The following ZFPM2 variants were observed in gnomAD, a reference collection of about 807,000 sequenced individuals.
ZFPM2 encodes zinc finger protein ZFPM2.
Under a neutral mutation model 98.6 loss-of-function variants are expected in ZFPM2, and 20 were observed. The ratio of observed to expected loss-of-function variants is 0.20; its 90% confidence interval spans 0.14 to 0.29. The LOEUF is 0.29. Among genes scored for constraint, ZFPM2 ranks in the 10% least tolerant of loss-of-function variants. The probability of loss-of-function intolerance (pLI) is 1.00; values close to 1 mark genes in which losing one functional copy is unlikely to be tolerated. For missense variants in ZFPM2, 1,310 were observed against 1,388.6 expected (o/e 0.94, Z 0.90); for synonymous variants, 518 against 502.7 (o/e 1.03, Z -0.41).
intron 3 of ZFPM2, among the ~76,000 whole-genome samples, chr8:105,523,278 T>C (rs1421161350): frequency 6.6e-6 from 1 of 152,212 alleles, no homozygotes; most frequent in African/African-American, 2.4e-5. Context: ...ACATCCATAT[T>C]GTGTGAGACT....
intron 1 of ZFPM2, among the ~76,000 whole-genome samples, chr8:105,399,510 G>A (rs1256548670): frequency 6.6e-6 from 1 of 152,108 alleles, no homozygotes; most frequent in African/African-American, 2.4e-5. Context: ...GCATTTAATC[G>A]TTTAGTTGCT....
At chr8:105,405,352 C>A (rs1286302191) in intron 1 of ZFPM2, among the ~76,000 whole-genome samples, 1 of 151,726 alleles carries the variant, frequency 6.6e-6, no homozygotes, top group African/African-American at 2.4e-5. Context: ...CATATGTATA[C>A]ATGTGCCATG....
intron 3 of ZFPM2, among the ~76,000 whole-genome samples, chr8:105,549,803 T>G (rs943359761): frequency 4.6e-5 from 7 of 151,716 alleles, no homozygotes; most frequent in African/African-American, 1.5e-4. Context: ...TTTGTAGAGA[T>G]ATGGTCTCAC....
chr8:105,359,342 C>A (rs1812810242), intron 1 of ZFPM2, among the ~76,000 whole-genome samples: 1 of 148,788 alleles, frequency 6.7e-6, no homozygotes, highest in Non-Finnish European at 1.5e-5. Flanking sequence ...TCGGGTATTT[C>A]TTTCTTTTCT....
chr8:105,461,581 A>G (rs1274155685), intron 3 of ZFPM2, among the ~76,000 whole-genome samples: 1 of 152,156 alleles, frequency 6.6e-6, no homozygotes, highest in Non-Finnish European at 1.5e-5. Context: ...TGAAATGATA[A>G]AACAACTATC....
intron 3 of ZFPM2, among the ~76,000 whole-genome samples, chr8:105,527,899 C>T (rs780578425): frequency 4.6e-5 from 7 of 152,126 alleles, no homozygotes; most frequent in Non-Finnish European, 1.0e-4. Context: ...TCTTAAAAAT[C>T]AGCTAATCCA....
intron 5 of ZFPM2, among the ~76,000 whole-genome samples, chr8:105,636,931 C>T (rs1485684484): frequency 6.6e-6 from 1 of 152,156 alleles, no homozygotes; most frequent in African/African-American, 2.4e-5. Context: ...AATCAACATA[C>T]TACCCCATTT....
chr8:105,797,818 C>T (rs970963270), intron 6 of ZFPM2, among the ~76,000 whole-genome samples: 1 of 152,366 alleles, frequency 6.6e-6, no homozygotes, highest in South Asian at 2.1e-4. Context: ...CCACTCCTGC[C>T]ATCAGCCTCT....
At chr8:105,437,069 T>C (rs1212646662) in intron 2 of ZFPM2, among the ~76,000 whole-genome samples, 1 of 152,194 alleles carries the variant, frequency 6.6e-6, no homozygotes, top group Non-Finnish European at 1.5e-5. Context: ...TTGCATTCTT[T>C]CTTTAAGAAA....
At chr8:105,347,904 C>T (rs918434356) in intron 1 of ZFPM2, among the ~76,000 whole-genome samples, 4 of 152,134 alleles carry the variant, frequency 2.6e-5, no homozygotes, top group Non-Finnish European at 5.9e-5. Context: ...CCGCTCCCCA[C>T]CCCCGACATA....
chr8:105,802,870 A>G lies in ZFPM2; in HGVS notation c.2788A>G (p.Asn930Asp), dbSNP rs762447920. The G allele has an allele frequency of 1.2e-6, 2 of 1,613,768 alleles. No homozygotes were observed. Among genetic ancestry groups the G allele is most frequent in the Non-Finnish European group, 1.7e-6 (2 of 1,179,828 alleles). Residue 930 changes from asparagine (N) to aspartate (D), a missense_variant, in exon 8 of 8, where the codon AAC becomes GAC. Transcript: ENST00000407775. The stretch of plus-strand genomic sequence containing the variant: ...TTTGAAGCAGCCTTCCCCCAATGGA[A>G]ACTTATTTTCATCCCACCTAGCAAC... ...GNLKQPSPNG[N>D]LFSSHLATLQ...
intron 4 of ZFPM2, among the ~76,000 whole-genome samples, chr8:105,590,098 A>G (rs953497050): frequency 6.6e-6 from 1 of 152,144 alleles, no homozygotes; most frequent in Admixed American, 6.5e-5. Context: ...TAGCCTCTGA[A>G]TGGCTCTCTC....
chr8:105,535,635 C>G (rs879652955), intron 3 of ZFPM2, among the ~76,000 whole-genome samples: 1 of 152,140 alleles, frequency 6.6e-6, no homozygotes, highest in Non-Finnish European at 1.5e-5. Context: ...TAAAGTCAGT[C>G]TCAGGCCTAG....
intron 5 of ZFPM2, among the ~76,000 whole-genome samples, chr8:105,686,191 G>C (rs989108604): frequency 9.2e-5 from 14 of 152,190 alleles, no homozygotes; most frequent in African/African-American, 3.1e-4. Context: ...ACTGTAATTA[G>C]AGATTAGATG....
rs142847568 is a variant in ZFPM2, at chr8:105,622,599, C to T, written c.421-11647C>T. Among the ~76,000 whole-genome samples the T allele has an allele frequency of 3.5e-4, 53 of 152,152 alleles. No individual in the cohort carries two copies. The East Asian group carries it at 8.3e-3, about 24-fold the overall frequency. On this transcript the variant is annotated intron_variant, in intron 4 of 7. Transcript: ENST00000407775. ...ACTTCTTAGCATGCTCCATTAGTTG[C>T]CCCAGGCTGACAGAGATGCTGAACA...
chr8:105,765,652 T>C (rs1812839063), intron 5 of ZFPM2, among the ~76,000 whole-genome samples: 2 of 151,846 alleles, frequency 1.3e-5, no homozygotes, highest in African/African-American at 4.8e-5. Context: ...TTGAGAGTTA[T>C]CAGGCAGCTC....
chr8:105,503,681 A>G (rs1813641022), intron 3 of ZFPM2, among the ~76,000 whole-genome samples: 2 of 152,188 alleles, frequency 1.3e-5, no homozygotes, highest in Admixed American at 6.5e-5. Flanking sequence ...GTATTTGTAG[A>G]GAGAAAATAA....
At position 105,788,891 on chromosome 8, in the gene ZFPM2, A is replaced by G; in HGVS notation, c.706A>G (p.Met236Val). The change falls in exon 6 of 8, where the codon ATG (methionine) becomes GTG (valine). Residue 236 changes from methionine (M) to valine (V), a missense_variant. Physicochemically the swap from Met to Val is conservative, Grantham distance 21. Transcript: ENST00000407775. ...SIQLLPQQAA[M>V]ASILPTAIVN... is the part of the protein sequence containing the mutation. ...TCAGCTGCTTCCTCAGCAAGCTGCC[A>G]TGGCTTCTATTTTGCCCACAGCTAT... is the stretch of plus-strand genomic sequence containing the variant. 1 of 1,613,796 alleles carries G rather than the reference A, an allele frequency of 6.2e-7. No individual in the cohort carries two copies. The highest frequency in any genetic ancestry group is 8.5e-7 in the Non-Finnish European group (1 of 1,179,812).
At chr8:105,663,516 T>C (rs568644133) in intron 5 of ZFPM2, among the ~76,000 whole-genome samples, 13 of 152,334 alleles carry the variant, frequency 8.5e-5, no homozygotes, top group Admixed American at 2.0e-4. Context: ...TCTGCTCTTA[T>C]GGGGCTTACA....
Sources: allele counts gnomAD v4.1 joint callset (sites outside exome capture counted in the v4.1 genomes callset), GRCh38; gene constraint gnomAD v4.1.1; transcripts MANE v1.5; gene names NCBI Gene and HGNC (gene_info 2026-07-23, HGNC 2026-07-21).